Variants in AUTS2 observed in about 807,000 individuals in gnomAD.
The protein encoded by AUTS2 is autism susceptibility gene 2 protein.
AUTS2 carries 17 observed loss-of-function variants against 112.4 expected under a neutral mutation model. That is an observed-to-expected ratio of 0.15 (90% confidence interval 0.10 to 0.23). AUTS2 has a LOEUF of 0.23. Among genes scored for constraint, AUTS2 ranks in the 10% least tolerant of loss-of-function variants. AUTS2 has a pLI of 1.00. For missense variants in AUTS2, 1,510 were observed against 1,701.6 expected, an observed-to-expected ratio of 0.89 and a Z score of 1.98; for synonymous variants, 751 against 702.7, an observed-to-expected ratio of 1.07 and a Z score of -1.09.
chr7:70,175,508 C>T (rs781136612), intron 4 of AUTS2, among the ~76,000 whole-genome samples: 1 of 152,156 alleles, frequency 6.6e-6, no homozygotes. Context: ...CAAACAGCTT[C>T]CCATGCTACA....
Position 70,307,894 on chromosome 7 carries a change from C to T in AUTS2, c.661-127858C>T, listed in dbSNP as rs116031580. Among the ~76,000 whole-genome samples, 334 of 152,276 alleles carry T rather than the reference C, an allele frequency of 2.2e-3. 3 individuals are homozygous for T. The highest frequency in any genetic ancestry group is 7.7e-3 in the African/African-American group (320 of 41,562). The stretch of plus-strand genomic sequence containing the variant: ...AAAAAATGTTTACCTTTGAGCATAA[C>T]CACATCCGAAAGAGTCACAGAGCTA... On this transcript the variant is annotated intron_variant, in intron 4 of 18. Transcript: ENST00000342771.
intron 1 of AUTS2, among the ~76,000 whole-genome samples, chr7:69,810,977 C>G (rs760228490): frequency 9.5e-4 from 145 of 152,118 alleles, no homozygotes; most frequent in Non-Finnish European, 1.3e-3. Context: ...CACACAGCCC[C>G]CTAGAAATGG....
intron 2 of AUTS2, among the ~76,000 whole-genome samples, chr7:69,985,685 T>C (rs905890206): frequency 4.6e-5 from 7 of 152,178 alleles, no homozygotes; most frequent in Non-Finnish European, 8.8e-5. Flanking sequence ...TTCCATTCTG[T>C]ACTGTAGCTC....
chr7:70,477,617 T>C (rs1458828947), intron 5 of AUTS2, among the ~76,000 whole-genome samples: 1 of 152,180 alleles, frequency 6.6e-6, no homozygotes, highest in African/African-American at 2.4e-5. Context: ...TTGGTTGACA[T>C]TTCCATAATT....
chr7:70,256,093 G>C (rs1434781643), intron 4 of AUTS2, among the ~76,000 whole-genome samples: 1 of 152,136 alleles, frequency 6.6e-6, no homozygotes, highest in Non-Finnish European at 1.5e-5. Context: ...TGGTCTCTAG[G>C]TGTTCTCCTA....
intron 1 of AUTS2, among the ~76,000 whole-genome samples, chr7:69,603,321 C>CAGAG (rs1792537291): frequency 6.6e-6 from 1 of 152,156 alleles, no homozygotes; most frequent in South Asian, 2.1e-4. Flanking sequence ...TTTTGGACTT[C>CAGAG]TCTTTTAAAA....
At chr7:70,515,897 C>T (rs1585242771) in intron 5 of AUTS2, among the ~76,000 whole-genome samples, 1 of 152,058 alleles carries the variant, frequency 6.6e-6, no homozygotes. Context: ...AGCAGTGGAC[C>T]TAAAACAGCA....
chr7:70,654,276 A>G (rs1294777237), intron 5 of AUTS2, among the ~76,000 whole-genome samples: 7 of 152,226 alleles, frequency 4.6e-5, no homozygotes, highest in African/African-American at 1.7e-4. Flanking sequence ...AAAGGTCTAG[A>G]TAGTAAATAT....
intron 1 of AUTS2, among the ~76,000 whole-genome samples, chr7:69,698,010 G>A (rs532012182): frequency 1.3e-5 from 2 of 152,258 alleles, no homozygotes; most frequent in African/African-American, 4.8e-5. Context: ...CAAAGAGAAG[G>A]GAGAACAGGA....
At chr7:69,673,240 C>T (rs1040318352) in intron 1 of AUTS2, among the ~76,000 whole-genome samples, 1 of 152,092 alleles carries the variant, frequency 6.6e-6, no homozygotes, top group Non-Finnish European at 1.5e-5. Flanking sequence ...CTGGTTAAGG[C>T]AAGAGATTGT....
intron 3 of AUTS2, among the ~76,000 whole-genome samples, chr7:70,121,622 G>A (rs886714822): frequency 6.6e-6 from 1 of 152,102 alleles, no homozygotes; most frequent in African/African-American, 2.4e-5. Context: ...ACTGTAACGA[G>A]ATTATCATTT....
intron 5 of AUTS2, among the ~76,000 whole-genome samples, chr7:70,531,739 C>G (rs947707348): frequency 4.6e-5 from 7 of 152,180 alleles, no homozygotes; most frequent in African/African-American, 1.7e-4. Flanking sequence ...ACCTCCAACA[C>G]TGAGGACCAC....
rs555376797 is a variant in AUTS2, at chr7:70,216,422, TAGC to T, written c.660+81854_660+81856del. On this transcript the variant is annotated intron_variant, in intron 4 of 18. Transcript: ENST00000342771. ...TTTAATTTAGCATTCATTTTCAACT[TAGC>T]AGATGCTCCTGGTGTCCCACCCATA... 1.4e-4 allele frequency among the ~76,000 whole-genome samples: 21 copies of T among 152,324 alleles called. No individual in the cohort carries two copies. In the South Asian group the frequency reaches 3.5e-3, roughly 26 times the overall value.
chr7:69,791,927 A>G (rs1584252640), intron 1 of AUTS2, among the ~76,000 whole-genome samples: 1 of 152,114 alleles, frequency 6.6e-6, no homozygotes, highest in East Asian at 1.9e-4. Flanking sequence ...GAGAATCTGC[A>G]TGTGGCCTGC....
chr7:69,870,259 G>A (rs1426899277), intron 1 of AUTS2, among the ~76,000 whole-genome samples: 1 of 151,092 alleles, frequency 6.6e-6, no homozygotes, highest in Non-Finnish European at 1.5e-5. Context: ...TAAGACCGGG[G>A]GAATTTGTTC....
chr7:70,788,360 G>A (rs895222384), intron 18 of AUTS2, among the ~76,000 whole-genome samples: 1 of 152,108 alleles, frequency 6.6e-6, no homozygotes, highest in Non-Finnish European at 1.5e-5. Context: ...GGCTCTAAAT[G>A]GGGCAGATTA....
chr7:70,675,360 G>C (rs1413273341), intron 5 of AUTS2, among the ~76,000 whole-genome samples: 1 of 152,106 alleles, frequency 6.6e-6, no homozygotes, highest in Non-Finnish European at 1.5e-5. Flanking sequence ...AGGTGTGGTG[G>C]TGCATGCCTG....
intron 5 of AUTS2, among the ~76,000 whole-genome samples, chr7:70,640,572 G>A (rs1366404568): frequency 3.3e-5 from 5 of 150,206 alleles, no homozygotes; most frequent in African/African-American, 1.2e-4. Context: ...CAGAACTAAT[G>A]GTGTGTGTGT....
At chr7:69,804,729 C>T (rs1208618936) in intron 1 of AUTS2, among the ~76,000 whole-genome samples, 2 of 152,164 alleles carry the variant, frequency 1.3e-5, no homozygotes, top group Admixed American at 6.5e-5. Context: ...TATCACATTT[C>T]TTGTCTCGAT....
Sources: allele counts gnomAD v4.1 joint callset (sites outside exome capture counted in the v4.1 genomes callset), GRCh38; gene constraint gnomAD v4.1.1; transcripts MANE v1.5; gene names NCBI Gene and HGNC (gene_info 2026-07-23, HGNC 2026-07-21).